The following DNAH5 variants were observed in gnomAD, a reference collection of about 807,000 sequenced individuals.
DNAH5 encodes the protein axonemal beta dynein heavy chain 5.
Under a neutral mutation model 518.2 loss-of-function variants are expected in DNAH5, and 372 were observed. The observed-to-expected ratio is 0.72, with a 90% CI of 0.66 to 0.78. The LOEUF (loss-of-function observed/expected upper bound fraction) is 0.78. Ranked by LOEUF, DNAH5 falls within the 30% of genes least tolerant of loss-of-function variation. The pLI is 0.00. For missense variants in DNAH5, 5,523 were observed against 5,687.0 expected, an observed-to-expected ratio of 0.97 and a Z score of 0.93; for synonymous variants, 2,039 against 2,025.9, an observed-to-expected ratio of 1.01 and a Z score of -0.17.
intron 35 of DNAH5, among the ~76,000 whole-genome samples, chr5:13,833,584 C>T (rs1763979568): frequency 1.3e-5 from 2 of 152,112 alleles, no homozygotes; most frequent in African/African-American, 2.4e-5. Flanking sequence ...GATTCCCAAA[C>T]AAGGGAATGA....
At chr5:13,878,330 A>C (rs541981436) in intron 21 of DNAH5, among the ~76,000 whole-genome samples, 34 of 152,344 alleles carry the variant, frequency 2.2e-4, no homozygotes, top group African/African-American at 8.2e-4. Context: ...ATGGACATGG[A>C]AACACTACCA....
rs1396143112 is a variant in DNAH5 at position 13,809,050 on chromosome 5, C to T, written c.7746G>A (p.Gln2582=). The part of the protein sequence containing the change: ...TDFLIQTIAK[Q]GKAVLLIGEQ... ...TAAAAATTAAAAGTCATACCTTGCCCTGTTTAGCAATGGTTTGAATTAGAA... is the reference window on the plus strand; with the variant it reads ...TAAAAATTAAAAGTCATACCTTGCCTTGTTTAGCAATGGTTTGAATTAGAA... The change falls in exon 46 of 79, where the codon CAG becomes CAA. Residue 2582 remains glutamine, a synonymous_variant. Coordinates refer to ENST00000265104, the MANE Select transcript of DNAH5 (RefSeq NM_001369.3). 1 of 1,614,150 alleles carries T rather than the reference C, an allele frequency of 6.2e-7. No homozygotes were observed. The highest frequency in any genetic ancestry group is 1.7e-5 in the Admixed American group (1 of 60,018).
At chr5:13,904,843 C>A (rs1346238142) in intron 12 of DNAH5, among the ~76,000 whole-genome samples, 1 of 151,796 alleles carries the variant, frequency 6.6e-6, no homozygotes, top group African/African-American at 2.4e-5. Flanking sequence ...CCCAGCAGAT[C>A]GAGGCTGCTG....
At chr5:13,697,232 A>G (rs1482160668) in intron 78 of DNAH5, among the ~76,000 whole-genome samples, 1 of 152,244 alleles carries the variant, frequency 6.6e-6, no homozygotes, top group Non-Finnish European at 1.5e-5. Flanking sequence ...ATTTCTATAA[A>G]ATAATTACTG....
At chr5:13,841,639 A>G (rs1765177283) in intron 33 of DNAH5, 53 bp downstream of exon 33, 2 of 1,403,192 alleles carry the variant, frequency 1.4e-6, no homozygotes, top group Non-Finnish European at 2.0e-6. Context: ...GTAATGTCTG[A>G]GACTTAAAAT....
intron 47 of DNAH5, among the ~76,000 whole-genome samples, chr5:13,800,439 A>G (rs1337865422): frequency 6.6e-6 from 1 of 152,206 alleles, no homozygotes; most frequent in Non-Finnish European, 1.5e-5. Flanking sequence ...CTCAATTCAG[A>G]AAGTGGCACC....
At chr5:13,784,206 C>A (rs1011961612) in intron 52 of DNAH5, among the ~76,000 whole-genome samples, 1 of 152,178 alleles carries the variant, frequency 6.6e-6, no homozygotes, top group Non-Finnish European at 1.5e-5. Context: ...CTCCAGCAGG[C>A]AGGCTATTTG....
At chr5:13,747,052 C>A (rs1749458092) in intron 65 of DNAH5, among the ~76,000 whole-genome samples, 1 of 151,872 alleles carries the variant, frequency 6.6e-6, no homozygotes, top group South Asian at 2.1e-4. Context: ...CCCCACCCCA[C>A]AACAGGCCCC....
intron 16 of DNAH5, among the ~76,000 whole-genome samples, chr5:13,893,598 T>A (rs1315665925): frequency 6.6e-6 from 1 of 152,152 alleles, no homozygotes; most frequent in African/African-American, 2.4e-5. Flanking sequence ...TATACAATTA[T>A]AAATTATCAA....
chr5:13,838,062 G>A (rs1267224748), intron 35 of DNAH5, among the ~76,000 whole-genome samples: 7 of 152,042 alleles, frequency 4.6e-5, no homozygotes, highest in Non-Finnish European at 5.9e-5. Flanking sequence ...TTATTGTGGG[G>A]CACAATGTGA....
In DNAH5 at chr5:13,718,949, C is replaced by T. The variant is rs762656636; in HGVS notation, c.12432G>A (p.Gln4144=). 6.2e-7 allele frequency: 1 copy of T among 1,614,122 alleles called. No individual in the cohort carries two copies. Among genetic ancestry groups the T allele is most frequent in the South Asian group, 1.1e-5 (1 of 91,080 alleles). Reference sequence around the variant, plus strand: ...GATCGTTGGCAAATTTAATGGACATCTGAAGGAGTGTAATGGGAAACTGCT... The same window carrying T: ...GATCGTTGGCAAATTTAATGGACATTTGAAGGAGTGTAATGGGAAACTGCT... ...AHKQFPITLL[Q]MSIKFANDPP... The change falls in exon 72 of 79, where the codon CAG becomes CAA. Residue 4144 remains glutamine (Q), a synonymous_variant. Transcript: ENST00000265104.
At chr5:13,759,400 A>C (rs996418817) in intron 60 of DNAH5, among the ~76,000 whole-genome samples, 1 of 152,270 alleles carries the variant, frequency 6.6e-6, no homozygotes, top group Non-Finnish European at 1.5e-5. Context: ...CTGTAATATT[A>C]AATGTATATA....
At chr5:13,817,748 T>C in intron 41 of DNAH5, 54 bp from the exon 42 acceptor site, 2 of 1,558,486 alleles carry the variant, frequency 1.3e-6, no homozygotes, top group Non-Finnish European at 1.8e-6. Context: ...TGAACCATCA[T>C]TAAGCAACAT....
At chr5:13,932,095 T>G (rs1778485865) in intron 1 of DNAH5, 1 of 152,264 alleles carries the variant, frequency 6.6e-6, no homozygotes. Context: ...CCCCTCTGGA[T>G]CCCTTCTTTT....
chr5:13,770,874 A>T lies in DNAH5; in HGVS notation c.9480T>A (p.Cys3160Ter), dbSNP rs764948792. ...GTCGGAATCTCTGAAAATAATCAAC[A>T]CACTTCTCAGCCACCCCATCCTGGA... ...GSFQDGVAEK[C>*]VDYFQRFRRS... is the part of the protein sequence containing the mutation. The change falls in exon 56 of 79, where the codon TGT becomes TGA. Residue 3160 changes from cysteine to a stop codon, truncating the protein, a stop_gained. Transcript: ENST00000265104. LOFTEE classifies it high-confidence loss of function. The T allele has an allele frequency of 2.1e-5, 34 of 1,613,914 alleles. No homozygotes were observed. The highest frequency in any genetic ancestry group is 2.9e-5 in the Non-Finnish European group (34 of 1,179,948).
chr5:13,842,019 T>C, intron 32 of DNAH5, 115 bp from the exon 33 acceptor site: 1 of 680,810 alleles, frequency 1.5e-6, no homozygotes. Context: ...TAAAATACTG[T>C]AAAAGCCAAA....
chr5:13,759,085 T>A (rs1210254467), intron 60 of DNAH5, 102 bp from the exon 61 acceptor site: 6 of 1,504,378 alleles, frequency 4.0e-6, no homozygotes, highest in Non-Finnish European at 5.5e-6. Context: ...TTTATACCTT[T>A]GCTTTGTTCC....
intron 49 of DNAH5, 43 bp downstream of exon 49, chr5:13,793,472 T>C: frequency 1.3e-6 from 2 of 1,537,348 alleles, no homozygotes; most frequent in Non-Finnish European, 9.0e-7. Flanking sequence ...CCCAAGCAGG[T>C]GTTCTTCCTC....
intron 53 of DNAH5, among the ~76,000 whole-genome samples, chr5:13,778,336 C>G (rs927766310): frequency 4.6e-5 from 7 of 151,380 alleles, no homozygotes. Flanking sequence ...ACAAATACTT[C>G]TAGAAGACAC....
Sources: gnomAD v4.1 joint callset for allele counts (sites outside exome capture counted in the v4.1 genomes callset) on GRCh38, gnomAD v4.1.1 for gene constraint, MANE v1.5 for transcripts, NCBI Gene and HGNC (gene_info 2026-07-23, HGNC 2026-07-21) for gene names.